Variants in KLHL12 observed in about 807,000 individuals in gnomAD.
KLHL12 encodes kelch like family member 12.
KLHL12 carries 17 observed loss-of-function variants against 60.8 expected under a neutral mutation model. The observed-to-expected ratio is 0.28, with a 90% CI of 0.19 to 0.42. The LOEUF (loss-of-function observed/expected upper bound fraction) is 0.42. Among genes scored for constraint, KLHL12 ranks in the 10% least tolerant of loss-of-function variants. KLHL12 has a pLI of 1.00. For missense variants in KLHL12, 468 were observed against 722.3 expected (o/e 0.65, Z 4.04); for synonymous variants, 220 against 250.9 (o/e 0.88, Z 1.16).
At chr1:202,906,455 C>CAAAAAAAAAAAAAAAAAAAAAAAAAAAA (rs59435824) in intron 6 of KLHL12, among the ~76,000 whole-genome samples, 1 of 52,746 alleles carries the variant, frequency 1.9e-5, no homozygotes. Context: ...CGCTTCGTCT[C>CAAAAAAAAAAAAAAAAAAAAAAAAAAAA]AAAAAAAAAA....
At chr1:202,902,760 C>T (rs964074412) in intron 6 of KLHL12, among the ~76,000 whole-genome samples, 1 of 152,050 alleles carries the variant, frequency 6.6e-6, no homozygotes, top group African/African-American at 2.4e-5. Context: ...GAGGCCAAAG[C>T]AGGCAGATCA....
At chr1:202,921,917 C>A (rs10753928) in intron 2 of KLHL12, among the ~76,000 whole-genome samples, 83,087 of 151,970 alleles carry the variant, frequency 0.55, 23,541 homozygotes, top group Non-Finnish European at 0.62. Flanking sequence ...CAATCCCTAA[C>A]ACTAAAAAAG....
chr1:202,909,640 G>A lies in KLHL12; in HGVS notation c.718-516C>T, dbSNP rs917961132. On this transcript the variant is annotated intron_variant, in intron 5 of 11. Coordinates refer to ENST00000367261, the MANE Select transcript of KLHL12 (RefSeq NM_021633.4). This position sits in a 1 kb window ranked among gnomAD's most constrained non-coding sequence, Gnocchi z 4.1. ...TTTCATTTGCCTCCCAACTCACTCT[G>A]TACCTTTTTCCACTCTGCTCTCTGG... Among the ~76,000 whole-genome samples, 1 of 152,050 alleles carries A rather than the reference G, an allele frequency of 6.6e-6. No homozygotes were observed. The highest frequency in any genetic ancestry group is 1.5e-5 in the Non-Finnish European group (1 of 68,018).
intron 4 of KLHL12, among the ~76,000 whole-genome samples, chr1:202,917,792 T>G (rs1660568315): frequency 6.6e-6 from 1 of 152,220 alleles, no homozygotes; most frequent in Admixed American, 6.5e-5. Flanking sequence ...AAGAACTATA[T>G]TTACCCACTT....
At chr1:202,894,388 A>T in intron 9 of KLHL12, 106 bp from the exon 10 acceptor site, 1 of 920,920 alleles carries the variant, frequency 1.1e-6, no homozygotes, top group Non-Finnish European at 1.7e-6. Context: ...CAATTTTCCC[A>T]CAAGAGTTCC....
At chr1:202,903,672 G>C (rs1390376559) in intron 6 of KLHL12, among the ~76,000 whole-genome samples, 1 of 127,202 alleles carries the variant, frequency 7.9e-6, no homozygotes, top group Non-Finnish European at 1.6e-5. Context: ...GCCCAGGCTG[G>C]AGTGCAGTGG....
chr1:202,894,054 A>G, intron 10 of KLHL12, 130 bp downstream of exon 10: 1 of 583,190 alleles, frequency 1.7e-6, no homozygotes, highest in Non-Finnish European at 3.1e-6. Context: ...GTATTTAGAG[A>G]AAACAGAGAC....
upstream of KLHL12, chr1:202,927,240 C>T (rs1006156829): frequency 2.0e-5 from 20 of 985,226 alleles, no homozygotes; most frequent in Admixed American, 3.7e-4. Flanking sequence ...GGTCTGGCCC[C>T]TGCGGCCGCG....
chr1:202,917,061 A>G (rs1272218559), intron 4 of KLHL12, among the ~76,000 whole-genome samples: 1 of 152,102 alleles, frequency 6.6e-6, no homozygotes, highest in East Asian at 1.9e-4. Context: ...TGGACTTCTC[A>G]CTCCAATTCT....
intron 4 of KLHL12, among the ~76,000 whole-genome samples, chr1:202,913,795 A>C (rs902954639): frequency 6.6e-6 from 1 of 152,212 alleles, no homozygotes; most frequent in Admixed American, 6.5e-5. Flanking sequence ...ACTAAAAAGC[A>C]CTAGAAATGC....
chr1:202,916,837 C>T (rs926698352), intron 4 of KLHL12, among the ~76,000 whole-genome samples: 3 of 151,630 alleles, frequency 2.0e-5, no homozygotes, highest in Non-Finnish European at 2.9e-5. Flanking sequence ...AAAATTAGCC[C>T]GGTGTGGTGA....
intron 4 of KLHL12, 104 bp from the exon 5 acceptor site, chr1:202,911,307 C>A (rs1279331839): frequency 9.4e-6 from 12 of 1,277,874 alleles, no homozygotes; most frequent in Non-Finnish European, 1.2e-5. Flanking sequence ...CCATTGCCCA[C>A]CACCATTATT....
At chr1:202,926,119 AAAAAG>A (rs1299898092) in intron 1 of KLHL12, among the ~76,000 whole-genome samples, 1 of 151,814 alleles carries the variant, frequency 6.6e-6, no homozygotes, top group African/African-American at 2.4e-5. Flanking sequence ...AAAAAAAAAA[AAAAAG>A]AAACTTCAAT....
intron 3 of KLHL12, among the ~76,000 whole-genome samples, chr1:202,918,877 T>G (rs1374394100): frequency 6.6e-6 from 1 of 152,240 alleles, no homozygotes; most frequent in African/African-American, 2.4e-5. Context: ...AGCTTCACAC[T>G]GTTTAAATCA....
chr1:202,908,926 T>C (rs1660274665), intron 6 of KLHL12, 84 bp downstream of exon 6: 2 of 858,940 alleles, frequency 2.3e-6, no homozygotes, highest in South Asian at 2.8e-5. Context: ...CTGTACTTCT[T>C]ATAGAGTATT....
At chr1:202,915,882 C>T (rs1660507774) in intron 4 of KLHL12, among the ~76,000 whole-genome samples, 1 of 152,210 alleles carries the variant, frequency 6.6e-6, no homozygotes, top group Admixed American at 6.5e-5. Flanking sequence ...ATAATTTGAT[C>T]TGCAGCACAT....
chr1:202,896,509 T>G (rs112531778), intron 7 of KLHL12, among the ~76,000 whole-genome samples: 3 of 152,192 alleles, frequency 2.0e-5, no homozygotes, highest in Admixed American at 6.6e-5. Context: ...TGAGCTCAAC[T>G]GAACACTGGG....
intron 6 of KLHL12, among the ~76,000 whole-genome samples, chr1:202,901,525 C>G (rs965279763): frequency 2.0e-5 from 3 of 150,880 alleles, no homozygotes; most frequent in African/African-American, 4.9e-5. Context: ...TGGTCTCTAA[C>G]TCCTGAACTC....
At chr1:202,896,565 G>A (rs1278476891) in intron 7 of KLHL12, among the ~76,000 whole-genome samples, 2 of 152,164 alleles carry the variant, frequency 1.3e-5, no homozygotes, top group African/African-American at 4.8e-5. Context: ...AACACAGCAC[G>A]ACCAATGAAA....
Sources: allele counts gnomAD v4.1 joint callset (sites outside exome capture counted in the v4.1 genomes callset), GRCh38; gene constraint gnomAD v4.1.1; non-coding constraint Gnocchi (gnomAD v3.1); transcripts MANE v1.5; gene names NCBI Gene and HGNC (gene_info 2026-07-23, HGNC 2026-07-21).